Variants in ERMN observed in about 807,000 individuals in gnomAD.
ERMN encodes the protein ermin.
Under a neutral mutation model 21.4 loss-of-function variants are expected in ERMN, and 17 were observed. The observed-to-expected ratio is 0.80, with a 90% CI of 0.54 to 1.19. The LOEUF (loss-of-function observed/expected upper bound fraction) is 1.19, where lower values mean the gene tolerates loss of function less well. ERMN is among the 50% of genes most tolerant of loss of function. ERMN has a pLI of 0.00. For synonymous variants in ERMN, 115 were observed against 111.9 expected (o/e 1.03, Z -0.17); for missense variants, 348 against 331.6 (o/e 1.05, Z -0.38).
chr2:157,325,633 C>A lies in ERMN; in HGVS notation c.10G>T (p.Val4Phe). The A allele has an allele frequency of 5.6e-6, 9 of 1,614,202 alleles. No individual in the cohort carries two copies. Among genetic ancestry groups the A allele is most frequent in the Non-Finnish European group, 7.6e-6 (9 of 1,180,022 alleles). The part of the protein sequence containing the change: MTD[V>F]PATFTQAECN... ...TCAGCCTGGGTAAATGTAGCCGGAA[C>A]ATCTGTCATGATGTGCGGTTGAATC... The change falls in exon 1 of 3, where the codon GTT (valine) becomes TTT (phenylalanine). Residue 4 changes from valine to phenylalanine, a missense_variant. Transcript: ENST00000410096.
rs372512094 is a variant in ERMN, at chr2:157,325,713, C to A, written c.-71G>T. On this transcript the variant is annotated 5_prime_UTR_variant, in exon 1 of 3. Transcript: ENST00000410096. ...GAGTGAGTAGATCCTTGATAAGATA[C>A]CTGCTCTTGCCTTCAAGTCCTATAG... 45 of 1,603,646 alleles carry A rather than the reference C, an allele frequency of 2.8e-5. No homozygotes were observed. The African/African-American group carries it at 5.2e-4, about 19-fold the overall frequency.
In ERMN at chr2:157,325,787, A is replaced by G. The variant is rs1252342176; in HGVS notation, c.-145T>C. ...CAAATTATTCACTTTAGTACATAAT[A>G]ACAAGGTTCTTTTCCTAAAAGTATC... On this transcript the variant is annotated 5_prime_UTR_variant, in exon 1 of 3. Transcript: ENST00000410096. 5 of 1,509,618 alleles carry G rather than the reference A, an allele frequency of 3.3e-6. No homozygotes were observed. The highest frequency in any genetic ancestry group is 1.4e-5 in the African/African-American group (1 of 72,138). 93.5% of individuals were successfully genotyped at this position (1,509,618 alleles called of 1,614,324 possible).
chr2:157,325,147 T>C, intron 1 of ERMN: 1 of 620,342 alleles, frequency 1.6e-6, no homozygotes, highest in Admixed American at 2.1e-5. Flanking sequence ...CTTGTAGTTA[T>C]TATTATTATT....
chr2:157,318,654 G>C lies in ERMN; in HGVS notation c.*2617C>G, dbSNP rs573014117. The C allele has an allele frequency of 6.6e-6, 1 of 152,248 alleles. No individual in the cohort carries two copies. Among genetic ancestry groups the C allele is most frequent in the South Asian group, 2.1e-4 (1 of 4,832 alleles). The allele number at this position is 152,248 out of a possible 1,614,324, so 9.4% of individuals were successfully genotyped here. On this transcript the variant is annotated 3_prime_UTR_variant, in exon 3 of 3. Transcript: ENST00000410096. ...TATTGAGAGTAAGTCAGACACAGCA[G>C]TTCTTTATTTAAATTGTGGATAGTT...
chr2:157,321,334 C>A lies in ERMN; in HGVS notation c.792G>T (p.Arg264=). 1.2e-6 allele frequency: 2 copies of A among 1,613,972 alleles called. No homozygotes were observed. Among genetic ancestry groups the A allele is most frequent in the Non-Finnish European group, 1.7e-6 (2 of 1,179,944 alleles). The change falls in exon 3 of 3, where the codon CGG becomes CGT. Residue 264 remains arginine (R), a synonymous_variant. Transcript: ENST00000410096. ...GCTTGGTATTTCCCTTTCTGATTTT[C>A]CGATAGGATATTGTATTGTATCTGG... ...AYSRYNTISY[R]KIRKGNTKQR... is the part of the protein sequence containing the mutation.
At position 157,321,720 on chromosome 2, in the gene ERMN, C is replaced by G; in HGVS notation, c.406G>C (p.Glu136Gln). 1 of 1,613,856 alleles carries G rather than the reference C, an allele frequency of 6.2e-7. No homozygotes were observed. The highest frequency in any genetic ancestry group is 8.5e-7 in the Non-Finnish European group (1 of 1,179,948). ...TCTTCTTCCTCTTTGAGAGGCTGCT[C>G]AGTAATCCTCTCCTTCTGTCTTCTT... is the stretch of plus-strand genomic sequence containing the variant. ...EIRRQKERIT[E>Q]QPLKEEEDED... Residue 136 changes from glutamate (E) to glutamine (Q), a missense_variant, in exon 3 of 3, where the codon GAG becomes CAG. Glu to Gln is a conservative substitution (Grantham distance 29, BLOSUM62 2). Coordinates refer to ENST00000410096, the MANE Select transcript of ERMN (RefSeq NM_020711.3).
At position 157,321,168 on chromosome 2, in the gene ERMN, C is replaced by T; in HGVS notation, c.*103G>A. ...TGAAAAAGAGAGTCAACTTCCACCT[C>T]CCTCCAAGTGATAACTCAAATAAGG... On this transcript the variant is annotated 3_prime_UTR_variant, in exon 3 of 3. Coordinates refer to ENST00000410096, the MANE Select transcript of ERMN (RefSeq NM_020711.3). 1 of 1,474,666 alleles carries T rather than the reference C, an allele frequency of 6.8e-7. No individual in the cohort carries two copies. The highest frequency in any genetic ancestry group is 9.0e-7 in the Non-Finnish European group (1 of 1,111,452). 91.3% of individuals were successfully genotyped at this position (1,474,666 alleles called of 1,614,324 possible). A position where few individuals can be genotyped will look rare whatever the true frequency, so the allele number is the denominator to read the frequency against.
chr2:157,325,180 A>T, intron 1 of ERMN: 2 of 687,452 alleles, frequency 2.9e-6, no homozygotes, highest in Non-Finnish European at 2.7e-6. Flanking sequence ...AGTGAAAAAA[A>T]CTCAGGCTTC....
In ERMN at chr2:157,321,461, G is replaced by A. The variant is rs1438576014; in HGVS notation, c.665C>T (p.Ala222Val). The A allele has an allele frequency of 1.2e-6, 2 of 1,613,916 alleles. No individual in the cohort carries two copies. The highest frequency in any genetic ancestry group is 1.3e-5 in the African/African-American group (1 of 74,860). Residue 222 changes from alanine (A) to valine (V), a missense_variant, in exon 3 of 3, where the codon GCA (alanine) becomes GTA (valine). Transcript: ENST00000410096. ...EVSQFKEEGDASEDSPLSSAS... is the reference protein window; with the variant it reads ...EVSQFKEEGDVSEDSPLSSAS... ...ACTGCTCAGTGGGGAGTCCTCACTT[G>A]CATCACCTTCCTCTTTAAATTGAGA...
At chr2:157,324,935 A>G (rs1684022421) in intron 1 of ERMN, among the ~76,000 whole-genome samples, 173 bp from the exon 2 acceptor site, 3 of 151,866 alleles carry the variant, frequency 2.0e-5, no homozygotes, top group African/African-American at 4.8e-5. Flanking sequence ...TATTTACTTA[A>G]TGATCACTTT....
intron 1 of ERMN, 113 bp from the exon 2 acceptor site, chr2:157,324,875 A>G (rs541481497): frequency 2.8e-5 from 18 of 654,022 alleles, no homozygotes; most frequent in Non-Finnish European, 4.4e-5. Flanking sequence ...AAATCTGATC[A>G]TTAAAATTTA....
intron 2 of ERMN, among the ~76,000 whole-genome samples, chr2:157,323,609 A>G (rs1426908009): frequency 4.6e-5 from 7 of 152,226 alleles, no homozygotes; most frequent in Non-Finnish European, 1.0e-4. Flanking sequence ...GTCCTAACAA[A>G]GCTAAATTGG....
chr2:157,322,082 T>C (rs1251048611), intron 2 of ERMN, among the ~76,000 whole-genome samples: 1 of 152,124 alleles, frequency 6.6e-6, no homozygotes, highest in African/African-American at 2.4e-5. Context: ...CTAACTTCAT[T>C]TGTCTATGGA....
At chr2:157,327,399 T>G (rs1684092874), upstream of ERMN, 4 of 767,718 alleles carry the variant, frequency 5.2e-6, no homozygotes, top group Admixed American at 1.7e-5. Context: ...TTAACTGTTT[T>G]AACAAACGCT....
At chr2:157,323,400 CTTGACACTG>C (rs1337133676) in intron 2 of ERMN, among the ~76,000 whole-genome samples, 3 of 152,196 alleles carry the variant, frequency 2.0e-5, no homozygotes, top group African/African-American at 7.2e-5. Flanking sequence ...AATGTGACAG[CTTGACACTG>C]TCTATTGCTT....
intron 2 of ERMN, 50 bp from the exon 3 acceptor site, chr2:157,321,841 C>T: frequency 2.0e-6 from 3 of 1,467,204 alleles, no homozygotes; most frequent in Non-Finnish European, 2.8e-6. Context: ...TCCAAAATAC[C>T]CAGCCATTAG....
chr2:157,320,282 C>A lies in ERMN; in HGVS notation c.*989G>T, dbSNP rs886238784. 1 of 152,604 alleles carries A rather than the reference C, an allele frequency of 6.6e-6. No homozygotes were observed. The highest frequency in any genetic ancestry group is 2.4e-5 in the African/African-American group (1 of 41,452). 9.5% of individuals were successfully genotyped at this position (152,604 alleles called of 1,614,324 possible). On this transcript the variant is annotated 3_prime_UTR_variant, in exon 3 of 3. Coordinates refer to ENST00000410096, the MANE Select transcript of ERMN (RefSeq NM_020711.3). ...CTCTCCCACTAAAAATACATGCTCA[C>A]GCTCTACTTTGAAAATATTCTAAGA...
chr2:157,325,069 A>T (rs1684027139), intron 1 of ERMN: 1 of 431,348 alleles, frequency 2.3e-6, no homozygotes, highest in Non-Finnish European at 4.4e-6. Flanking sequence ...TCTTTGTTCA[A>T]ATAATATGGG....
upstream of ERMN, chr2:157,325,907 C>G (rs1684059197): frequency 7.3e-6 from 10 of 1,375,852 alleles, no homozygotes; most frequent in South Asian, 1.6e-4. Flanking sequence ...TTGTTGCTTG[C>G]CAGTTCCCTG....
Sources: gnomAD v4.1 joint callset for allele counts (sites outside exome capture counted in the v4.1 genomes callset) on GRCh38, gnomAD v4.1.1 for gene constraint, MANE v1.5 for transcripts, NCBI Gene and HGNC (gene_info 2026-07-23, HGNC 2026-07-21) for gene names.